Variants in LHFPL6 observed in about 807,000 individuals in gnomAD.
LHFPL6 encodes LHFPL tetraspan subfamily member 6 protein.
A neutral mutation model predicts 20.6 loss-of-function variants in LHFPL6; 9 were observed. That is an observed-to-expected ratio of 0.44 (90% CI 0.26 to 0.76). The LOEUF (loss-of-function observed/expected upper bound fraction) is 0.76, where lower values mean the gene tolerates loss of function less well. Ranked by LOEUF, LHFPL6 falls within the 30% of genes least tolerant of loss-of-function variation. The probability of loss-of-function intolerance (pLI) is 0.20; values close to 1 mark genes in which losing one functional copy is unlikely to be tolerated. For synonymous variants in LHFPL6, 105 were observed against 98.7 expected (o/e 1.06, Z -0.38); for missense variants, 218 against 253.5 (o/e 0.86, Z 0.95).
chr13:39,357,760 A>C (rs539941492), intron 3 of LHFPL6, among the ~76,000 whole-genome samples: 25 of 152,316 alleles, frequency 1.6e-4, no homozygotes, highest in African/African-American at 6.0e-4. Context: ...AGCCACAAAA[A>C]ATAAAATACC....
At chr13:39,482,328 C>A (rs1868554470) in intron 2 of LHFPL6, among the ~76,000 whole-genome samples, 1 of 152,068 alleles carries the variant, frequency 6.6e-6, no homozygotes, top group South Asian at 2.1e-4. Flanking sequence ...CCTGTAATCC[C>A]CACTACTCAG....
chr13:39,405,442 T>C (rs1871094225), intron 2 of LHFPL6, among the ~76,000 whole-genome samples: 1 of 152,242 alleles, frequency 6.6e-6, no homozygotes, highest in South Asian at 2.1e-4. Flanking sequence ...TTTAAATGAT[T>C]AGCCTGATGA....
chr13:39,583,918 G>C (rs970841633), intron 2 of LHFPL6, among the ~76,000 whole-genome samples: 1 of 151,978 alleles, frequency 6.6e-6, no homozygotes, highest in Admixed American at 6.5e-5. Context: ...ACACCCAAGC[G>C]CCTCGTCTTG....
intron 2 of LHFPL6, among the ~76,000 whole-genome samples, chr13:39,585,054 C>T (rs1872405363): frequency 6.6e-6 from 1 of 152,142 alleles, no homozygotes; most frequent in African/African-American, 2.4e-5. Flanking sequence ...TATGTGTGTG[C>T]CCAATTGCAC....
At chr13:39,531,983 T>C (rs1465635739) in intron 2 of LHFPL6, among the ~76,000 whole-genome samples, 1 of 152,122 alleles carries the variant, frequency 6.6e-6, no homozygotes, top group Non-Finnish European at 1.5e-5. Flanking sequence ...CATTTTCTGT[T>C]ATTGGTTTAT....
chr13:39,432,190 A>G (rs554827461), intron 2 of LHFPL6, among the ~76,000 whole-genome samples: 1 of 152,316 alleles, frequency 6.6e-6, no homozygotes, highest in Admixed American at 6.5e-5. Context: ...TGAGGAAATG[A>G]GTTTCTTTTA....
At chr13:39,465,975 T>C (rs2138432681) in intron 2 of LHFPL6, among the ~76,000 whole-genome samples, 1 of 152,060 alleles carries the variant, frequency 6.6e-6, no homozygotes, top group South Asian at 2.1e-4. Flanking sequence ...GTGACTGGGA[T>C]CCTAAGTGTG....
intron 3 of LHFPL6, among the ~76,000 whole-genome samples, chr13:39,375,318 C>T (rs550923817): frequency 1.3e-5 from 2 of 152,294 alleles, no homozygotes; most frequent in Non-Finnish European, 2.9e-5. Flanking sequence ...TTTGTGACTT[C>T]ACTAGGTAAC....
intron 2 of LHFPL6, among the ~76,000 whole-genome samples, chr13:39,591,883 G>T (rs1040461430): frequency 6.6e-6 from 1 of 152,122 alleles, no homozygotes; most frequent in Non-Finnish European, 1.5e-5. Flanking sequence ...ATTACCTAAA[G>T]TCAGGAGTTC....
chr13:39,410,685 A>T (rs909367394), intron 2 of LHFPL6, among the ~76,000 whole-genome samples: 1 of 152,222 alleles, frequency 6.6e-6, no homozygotes, highest in Non-Finnish European at 1.5e-5. Context: ...TCCTTATTGC[A>T]CAATCCAGGA....
chr13:39,382,741 CAG>C (rs1870475350), intron 2 of LHFPL6, among the ~76,000 whole-genome samples: 1 of 152,122 alleles, frequency 6.6e-6, no homozygotes, highest in African/African-American at 2.4e-5. Flanking sequence ...ATTTTATACA[CAG>C]AAATTTGTGG....
In LHFPL6 at chr13:39,343,517, G is replaced by A. The variant is rs1869303870; in HGVS notation, c.*419C>T. Reference sequence around the variant, plus strand: ...GTACCCTGCTTCCCAACATAACACTGTTTCTACTAGCCCTTTGATTTTCTG... The same window carrying A: ...GTACCCTGCTTCCCAACATAACACTATTTCTACTAGCCCTTTGATTTTCTG... On this transcript the variant is annotated 3_prime_UTR_variant, in exon 4 of 4. Transcript: ENST00000379589. 4.4e-6 allele frequency: 1 copy of A among 229,450 alleles called. No homozygotes were observed. The highest frequency in any genetic ancestry group is 1.8e-4 in the South Asian group (1 of 5,536). 14.2% of individuals were successfully genotyped at this position (229,450 alleles called of 1,614,324 possible).
At chr13:39,517,963 T>C (rs781541365) in intron 2 of LHFPL6, among the ~76,000 whole-genome samples, 2 of 152,210 alleles carry the variant, frequency 1.3e-5, no homozygotes, top group African/African-American at 4.8e-5. Context: ...GCCTGTGCCA[T>C]CTTCTCTAGC....
At chr13:39,369,599 C>CTTCCTTCCT (rs370421871) in intron 3 of LHFPL6, among the ~76,000 whole-genome samples, 4 of 40,156 alleles carry the variant, frequency 1.0e-4, no homozygotes, top group Admixed American at 3.2e-4. Context: ...TCCTTCCTTC[C>CTTCCTTCCT]TCCCTCTCTC....
At chr13:39,357,842 T>C (rs2138342274) in intron 3 of LHFPL6, among the ~76,000 whole-genome samples, 1 of 152,236 alleles carries the variant, frequency 6.6e-6, no homozygotes, top group African/African-American at 2.4e-5. Context: ...AAAGAAATCA[T>C]CGATGACACA....
At chr13:39,396,623 C>G (rs1325638974) in intron 2 of LHFPL6, among the ~76,000 whole-genome samples, 2 of 151,380 alleles carry the variant, frequency 1.3e-5, no homozygotes, top group Non-Finnish European at 3.0e-5. Flanking sequence ...TGGCAAGACA[C>G]CATCTCTCCA....
intron 2 of LHFPL6, among the ~76,000 whole-genome samples, chr13:39,413,466 AGGG>A (rs66802891): frequency 4.6e-4 from 3 of 6,464 alleles, no homozygotes; most frequent in South Asian, 7.3e-3. Flanking sequence ...AATTGGGGGT[AGGG>A]GGGGTGGGTC....
intron 2 of LHFPL6, among the ~76,000 whole-genome samples, chr13:39,590,127 T>C (rs976817396): frequency 6.6e-6 from 1 of 152,212 alleles, no homozygotes; most frequent in Non-Finnish European, 1.5e-5. Context: ...GGGATAACTT[T>C]GGTTTTCATG....
chr13:39,547,505 G>A (rs1411684559), intron 2 of LHFPL6, among the ~76,000 whole-genome samples: 1 of 152,056 alleles, frequency 6.6e-6, no homozygotes, highest in African/African-American at 2.4e-5. Context: ...TCTTTCCAAG[G>A]AACTGGTCTT....
Sources: allele counts gnomAD v4.1 joint callset (sites outside exome capture counted in the v4.1 genomes callset), GRCh38; gene constraint gnomAD v4.1.1; transcripts MANE v1.5; gene names NCBI Gene and HGNC (gene_info 2026-07-23, HGNC 2026-07-21).